Variants in WWOX observed in about 807,000 individuals in gnomAD.
WWOX encodes WW domain containing oxidoreductase.
WWOX carries 69 observed loss-of-function variants against 46.2 expected under a neutral mutation model. The ratio of observed to expected loss-of-function variants is 1.49; its 90% CI spans 1.23 to 1.82. The LOEUF (loss-of-function observed/expected upper bound fraction) is 1.82, where lower values mean the gene tolerates loss of function less well. Ranked by LOEUF, WWOX falls within the 40% of genes most tolerant of loss-of-function variation. The pLI, the probability that WWOX is intolerant of heterozygous loss-of-function variation, is 0.00. For missense variants in WWOX, 919 were observed against 542.6 expected (o/e 1.69, Z -6.89); for synonymous variants, 359 against 202.6 (o/e 1.77, Z -6.56).
intron 8 of WWOX, among the ~76,000 whole-genome samples, chr16:79,011,135 CCACACACACACACACA>C (rs10611855): frequency 0.08 from 11,749 of 146,274 alleles, 790 homozygotes; most frequent in East Asian, 0.29. Context: ...ACTCACACAT[CCACACACACACACACA>C]CACACACACA....
intron 8 of WWOX, among the ~76,000 whole-genome samples, chr16:78,747,526 T>C (rs1442689300): frequency 6.6e-6 from 1 of 152,192 alleles, no homozygotes; most frequent in Admixed American, 6.5e-5. Flanking sequence ...GGCATTACAA[T>C]GAGCCTTCGT....
At chr16:78,505,448 C>T (rs1219948933) in intron 8 of WWOX, among the ~76,000 whole-genome samples, 2 of 152,122 alleles carry the variant, frequency 1.3e-5, no homozygotes, top group African/African-American at 4.8e-5. Flanking sequence ...TCTGTTTCTC[C>T]CTGAAAATCA....
At chr16:78,796,516 A>G (rs1014934147) in intron 8 of WWOX, among the ~76,000 whole-genome samples, 1 of 152,250 alleles carries the variant, frequency 6.6e-6, no homozygotes, top group Admixed American at 6.5e-5. Flanking sequence ...GAGGCAAGAG[A>G]AATGTTTTCA....
rs185942621 is a variant in WWOX at position 78,311,722 on chromosome 16, A to C, written c.517-75138A>C. Among the ~76,000 whole-genome samples, 3 of 152,112 alleles carry C rather than the reference A, an allele frequency of 2.0e-5. No homozygotes were observed. The East Asian group carries it at 5.8e-4, about 29-fold the overall frequency. Reference sequence around the variant, plus strand: ...ACTTTAGTCTGGTTTATAATGCTTTAATATTTTTTTGAAGGAAGAAAAATG... The same window carrying C: ...ACTTTAGTCTGGTTTATAATGCTTTCATATTTTTTTGAAGGAAGAAAAATG... On this transcript the variant is annotated intron_variant, in intron 5 of 8. Coordinates refer to ENST00000566780, the MANE Select transcript of WWOX (RefSeq NM_016373.4).
intron 8 of WWOX, among the ~76,000 whole-genome samples, chr16:78,473,255 A>T (rs986878749): frequency 2.6e-5 from 4 of 152,094 alleles, no homozygotes; most frequent in African/African-American, 9.7e-5. Flanking sequence ...TCAGCCTCCC[A>T]AGTGGCTTGG....
rs60560119 is a variant in WWOX, at chr16:78,734,841, C to CTTTTTTTTTTTTTTTTT, written c.1056+302115_1056+302131dup. Among the ~76,000 whole-genome samples, 7 of 40,126 alleles carry CTTTTTTTTTTTTTTTTT rather than the reference C, an allele frequency of 1.7e-4. 1 individual carries two copies. The highest frequency in any genetic ancestry group is 8.4e-4 in the East Asian group (1 of 1,192). The allele number at this position is 40,126 out of a possible 152,430, so 26.3% of individuals were successfully genotyped here. ...GATGACTCAGGTGGGGACTTCAGTC[C>CTTTTTTTTTTTTTTTTT]TTTTTTTTTTTTTTTTTTTTTTTTT... On this transcript the variant is annotated intron_variant, in intron 8 of 8. Coordinates refer to ENST00000566780, the MANE Select transcript of WWOX (RefSeq NM_016373.4).
At chr16:78,445,485 A>G (rs988599065) in intron 8 of WWOX, among the ~76,000 whole-genome samples, 1 of 152,202 alleles carries the variant, frequency 6.6e-6, no homozygotes, top group African/African-American at 2.4e-5. Flanking sequence ...AAGACAGATG[A>G]TAGGCATGGA....
At chr16:79,029,502 G>A (rs2047711823) in intron 8 of WWOX, among the ~76,000 whole-genome samples, 2 of 152,090 alleles carry the variant, frequency 1.3e-5, no homozygotes, top group South Asian at 4.1e-4. Context: ...TAGGATCTTG[G>A]GGCAGTGAGG....
intron 8 of WWOX, among the ~76,000 whole-genome samples, chr16:78,738,747 G>C (rs1597521777): frequency 1.3e-5 from 2 of 152,260 alleles, no homozygotes; most frequent in East Asian, 1.9e-4. Flanking sequence ...TGCGAACAGA[G>C]GCTGCAGCTG....
rs561324450 is a variant in WWOX at position 78,932,741 on chromosome 16, T to G, written c.1057-278867T>G. On this transcript the variant is annotated intron_variant, in intron 8 of 8. Transcript: ENST00000566780. ...GAGAGCTGGCCCATTGCTCAGGGCC[T>G]GGGAAGTGGTAGGGAGGGACCTTCC... 4.6e-5 allele frequency among the ~76,000 whole-genome samples: 7 copies of G among 152,274 alleles called. No individual in the cohort carries two copies. In the South Asian group the frequency reaches 1.5e-3, roughly 32 times the overall value.
chr16:79,174,111 G>C (rs1597445644), intron 8 of WWOX, among the ~76,000 whole-genome samples: 2 of 152,226 alleles, frequency 1.3e-5, no homozygotes, highest in African/African-American at 4.8e-5. Context: ...GGTTCCCATG[G>C]CTTTGTAGAG....
At chr16:78,892,025 C>T (rs949622775) in intron 8 of WWOX, 1 of 152,160 alleles carries the variant, frequency 6.6e-6, no homozygotes, top group South Asian at 2.1e-4. Context: ...AAACTCCAGG[C>T]CTATAATAAA....
At chr16:79,075,262 C>G (rs1005743673) in intron 8 of WWOX, among the ~76,000 whole-genome samples, 1 of 152,164 alleles carries the variant, frequency 6.6e-6, no homozygotes, top group Non-Finnish European at 1.5e-5. Flanking sequence ...AGCAGAGTTA[C>G]TTATTCTACA....
intron 8 of WWOX, among the ~76,000 whole-genome samples, chr16:78,433,891 G>A (rs866276968): frequency 2.2e-4 from 31 of 138,990 alleles, no homozygotes; most frequent in South Asian, 1.2e-3. Context: ...CCGGGTTCAC[G>A]CCATTCTCCT....
intron 8 of WWOX, among the ~76,000 whole-genome samples, chr16:78,722,024 G>A (rs889407950): frequency 5.9e-5 from 9 of 152,158 alleles, no homozygotes; most frequent in African/African-American, 1.9e-4. Flanking sequence ...TCTAGAAGGT[G>A]GTATTTTGCA....
chr16:79,115,704 T>C (rs1289114272), intron 8 of WWOX, among the ~76,000 whole-genome samples: 1 of 152,170 alleles, frequency 6.6e-6, no homozygotes, highest in Non-Finnish European at 1.5e-5. Context: ...CTGGTTGCAC[T>C]TTTAAATAAG....
At chr16:78,102,175 C>G (rs1383370856) in intron 1 of WWOX, among the ~76,000 whole-genome samples, 3 of 152,156 alleles carry the variant, frequency 2.0e-5, no homozygotes, top group African/African-American at 7.2e-5. Flanking sequence ...CCTCCCGAAG[C>G]ACTGGAATCA....
intron 5 of WWOX, among the ~76,000 whole-genome samples, chr16:78,303,392 A>G (rs2080077033): frequency 6.6e-6 from 1 of 152,194 alleles, no homozygotes; most frequent in Non-Finnish European, 1.5e-5. Flanking sequence ...AACAGCCTAC[A>G]CAGACATGAA....
At chr16:79,032,732 G>C (rs376704401) in intron 8 of WWOX, among the ~76,000 whole-genome samples, 1 of 151,178 alleles carries the variant, frequency 6.6e-6, no homozygotes, top group Admixed American at 6.6e-5. Context: ...ACCAGCCTTA[G>C]ATTGCCTAGT....
Sources: allele counts gnomAD v4.1 joint callset (sites outside exome capture counted in the v4.1 genomes callset), GRCh38; gene constraint gnomAD v4.1.1; transcripts MANE v1.5; gene names NCBI Gene and HGNC (gene_info 2026-07-23, HGNC 2026-07-21).